The following RNF150 variants were observed in gnomAD, a reference collection of about 807,000 sequenced individuals.
RNF150 encodes the protein ring finger protein 150.
In RNF150, 24 loss-of-function variants were observed where a neutral mutation model predicts 39.3. That is an observed-to-expected ratio of 0.61 (90% CI 0.44 to 0.86). RNF150 has a LOEUF of 0.86. Among genes scored for constraint, RNF150 ranks in the 40% least tolerant of loss-of-function variants. RNF150 has a pLI of 0.00. For synonymous variants in RNF150, 255 were observed against 227.3 expected (o/e 1.12, Z -1.10); for missense variants, 502 against 587.8 (o/e 0.85, Z 1.51).
chr4:141,151,983 C>A (rs1727310884), intron 1 of RNF150, among the ~76,000 whole-genome samples: 1 of 151,684 alleles, frequency 6.6e-6, no homozygotes, highest in Non-Finnish European at 1.5e-5. Context: ...GCCATGTGTT[C>A]TTTTACAAAA....
At chr4:140,875,267 C>G (rs1354221331) in intron 6 of RNF150, among the ~76,000 whole-genome samples, 1 of 151,084 alleles carries the variant, frequency 6.6e-6, no homozygotes, top group Admixed American at 6.6e-5. Context: ...CTCCTGGGCT[C>G]AAGCAAGCTT....
intron 6 of RNF150, among the ~76,000 whole-genome samples, chr4:140,881,864 A>C (rs531970280): frequency 6.6e-6 from 1 of 151,076 alleles, no homozygotes; most frequent in South Asian, 2.1e-4. Flanking sequence ...CTGGGTGACA[A>C]AGCAAGACTC....
intron 1 of RNF150, among the ~76,000 whole-genome samples, chr4:141,044,560 G>T (rs933027922): frequency 6.6e-6 from 1 of 152,116 alleles, no homozygotes; most frequent in African/African-American, 2.4e-5. Flanking sequence ...TATTATTTTA[G>T]AAGTGAAAAA....
intron 1 of RNF150, among the ~76,000 whole-genome samples, chr4:140,979,058 C>A (rs1162712849): frequency 6.6e-6 from 1 of 152,104 alleles, no homozygotes; most frequent in African/African-American, 2.4e-5. Flanking sequence ...CCCACATATA[C>A]CAAAATCTGC....
At chr4:141,048,902 C>A (rs1375112122) in intron 1 of RNF150, among the ~76,000 whole-genome samples, 2 of 152,172 alleles carry the variant, frequency 1.3e-5, no homozygotes, top group African/African-American at 4.8e-5. Context: ...CAACATAATA[C>A]TTCTCTCATT....
chr4:140,916,658 C>G (rs933716644), intron 5 of RNF150, among the ~76,000 whole-genome samples: 10 of 152,162 alleles, frequency 6.6e-5, no homozygotes, highest in African/African-American at 2.4e-4. Context: ...TCTAGCAAGG[C>G]AGGCCAACAT....
intron 1 of RNF150, among the ~76,000 whole-genome samples, chr4:141,065,572 C>T (rs1396900341): frequency 4.6e-5 from 7 of 150,848 alleles, no homozygotes; most frequent in African/African-American, 7.3e-5. Flanking sequence ...TTTTACATTG[C>T]GTAGTCTCTG....
At chr4:140,888,016 T>C (rs1403933612) in intron 6 of RNF150, among the ~76,000 whole-genome samples, 2 of 152,222 alleles carry the variant, frequency 1.3e-5, no homozygotes, top group African/African-American at 2.4e-5. Context: ...AAGGTTTTTA[T>C]CATTTCTGAC....
chr4:141,150,617 T>C (rs906448338), intron 1 of RNF150, among the ~76,000 whole-genome samples: 2 of 152,352 alleles, frequency 1.3e-5, no homozygotes, highest in East Asian at 3.9e-4. Flanking sequence ...TTGGCCTATA[T>C]GGCCCCTGAT....
chr4:140,899,107 A>T (rs764355033), intron 6 of RNF150, among the ~76,000 whole-genome samples: 2 of 152,016 alleles, frequency 1.3e-5, no homozygotes, highest in Non-Finnish European at 2.9e-5. Context: ...TTTAAATGAG[A>T]TCTAATAGGA....
intron 5 of RNF150, among the ~76,000 whole-genome samples, chr4:140,917,631 C>G (rs1031547067): frequency 4.6e-5 from 7 of 152,204 alleles, no homozygotes; most frequent in East Asian, 3.9e-4. Flanking sequence ...GACAGATCAA[C>G]GAGACAGAAA....
chr4:140,996,358 C>A (rs1461901041), intron 1 of RNF150, among the ~76,000 whole-genome samples: 1 of 152,042 alleles, frequency 6.6e-6, no homozygotes. Flanking sequence ...GTTTGAGCTC[C>A]TTGTACATTG....
chr4:140,957,237 G>A (rs35343269), intron 2 of RNF150, among the ~76,000 whole-genome samples: 20,829 of 152,026 alleles, frequency 0.14, 1,477 homozygotes, highest in South Asian at 0.18. Flanking sequence ...AAAAGTGGGC[G>A]AAGGACATGA....
chr4:140,968,679 G>A (rs1313995735), intron 1 of RNF150, among the ~76,000 whole-genome samples: 2 of 151,576 alleles, frequency 1.3e-5, no homozygotes, highest in Non-Finnish European at 2.9e-5. Flanking sequence ...CCAGTTATTA[G>A]ACAGCTTGGA....
intron 6 of RNF150, among the ~76,000 whole-genome samples, chr4:140,906,849 G>A (rs1259322736): frequency 1.3e-5 from 2 of 152,100 alleles, no homozygotes; most frequent in Non-Finnish European, 1.5e-5. Context: ...AGGGCCAAGT[G>A]GGTAACGATC....
At chr4:140,875,244 C>T (rs1729111200) in intron 6 of RNF150, among the ~76,000 whole-genome samples, 1 of 149,540 alleles carries the variant, frequency 6.7e-6, no homozygotes, top group African/African-American at 2.5e-5. Context: ...TCATAGTTCA[C>T]TCCAACCTTG....
intron 5 of RNF150, among the ~76,000 whole-genome samples, 196 bp from the exon 6 acceptor site, chr4:140,911,550 A>G (rs1730606762): frequency 6.6e-6 from 1 of 152,214 alleles, no homozygotes; most frequent in African/African-American, 2.4e-5. Flanking sequence ...TTTCCTTTCC[A>G]AAGGTTCATT....
intron 5 of RNF150, among the ~76,000 whole-genome samples, chr4:140,920,447 C>CACTG (rs1396046282): frequency 9.6e-5 from 13 of 134,828 alleles, no homozygotes; most frequent in Admixed American, 8.7e-4. Flanking sequence ...CGCTCACCAT[C>CACTG]ACTGGCCATC....
At chr4:141,166,265 C>A (rs1482866733) in intron 1 of RNF150, among the ~76,000 whole-genome samples, 3 of 152,134 alleles carry the variant, frequency 2.0e-5, no homozygotes, top group Admixed American at 2.0e-4. Flanking sequence ...AGTTGAATCC[C>A]TGAATAGACC....
Sources: allele counts gnomAD v4.1 joint callset (sites outside exome capture counted in the v4.1 genomes callset), GRCh38; gene constraint gnomAD v4.1.1; transcripts MANE v1.5; gene names NCBI Gene and HGNC (gene_info 2026-07-23, HGNC 2026-07-21).